NCKAP5: variants seen among roughly 807,000 people sequenced by gnomAD.
The protein encoded by NCKAP5 is nck-associated protein 5.
In NCKAP5, 92 loss-of-function variants were observed where a neutral mutation model predicts 167.0. That is an observed-to-expected ratio of 0.55 (90% confidence interval 0.47 to 0.66). The LOEUF (loss-of-function observed/expected upper bound fraction) is 0.66, where lower values mean the gene tolerates loss of function less well. Ranked by LOEUF, NCKAP5 falls within the 30% of genes least tolerant of loss-of-function variation. The pLI is 0.00. For missense variants in NCKAP5, 2,378 were observed against 2,315.0 expected, an observed-to-expected ratio of 1.03 and a Z score of -0.56; for synonymous variants, 891 against 877.4, an observed-to-expected ratio of 1.02 and a Z score of -0.27.
At chr2:132,880,695 AATC>A (rs1312664179) in intron 8 of NCKAP5, among the ~76,000 whole-genome samples, 2 of 152,184 alleles carry the variant, frequency 1.3e-5, no homozygotes, top group African/African-American at 4.8e-5. Flanking sequence ...ACTGTGACAC[AATC>A]ATTATACATT....
intron 9 of NCKAP5, among the ~76,000 whole-genome samples, chr2:132,872,608 C>T (rs576961588): frequency 5.3e-5 from 8 of 152,264 alleles, no homozygotes; most frequent in South Asian, 2.1e-4. Context: ...GCGTGGGGAG[C>T]GAGGATCTCC....
At chr2:133,307,243 T>C (rs1301974459) in intron 3 of NCKAP5, among the ~76,000 whole-genome samples, 1 of 151,958 alleles carries the variant, frequency 6.6e-6, no homozygotes, top group Non-Finnish European at 1.5e-5. Flanking sequence ...GTAACTAAAT[T>C]AAGAAATAAA....
chr2:132,896,166 AC>A (rs1693187052), intron 8 of NCKAP5, among the ~76,000 whole-genome samples: 1 of 152,194 alleles, frequency 6.6e-6, no homozygotes, highest in African/African-American at 2.4e-5. Flanking sequence ...AAACAAAAAA[AC>A]AAAAACAAAA....
the NCKAP5 span, among the ~76,000 whole-genome samples, chr2:133,627,921 C>A: frequency 6.6e-6 from 1 of 152,090 alleles, no homozygotes; most frequent in Admixed American, 6.6e-5. Flanking sequence ...TGGCTTTGGC[C>A]GTGGTACTTC....
At chr2:133,454,575 A>G (rs553138983) in intron 3 of NCKAP5, among the ~76,000 whole-genome samples, 53 of 152,272 alleles carry the variant, frequency 3.5e-4, no homozygotes, top group African/African-American at 1.2e-3. Flanking sequence ...AAGTATTCTC[A>G]GCATTTCCTA....
chr2:133,624,367 G>A, the NCKAP5 span, among the ~76,000 whole-genome samples: 1 of 152,008 alleles, frequency 6.6e-6, no homozygotes, highest in Admixed American at 6.6e-5. Flanking sequence ...ACCGAGTTCT[G>A]TTCCTCACGT....
At chr2:132,806,243 A>G (rs1167724463) in intron 11 of NCKAP5, among the ~76,000 whole-genome samples, 1 of 152,170 alleles carries the variant, frequency 6.6e-6, no homozygotes, top group Non-Finnish European at 1.5e-5. Flanking sequence ...ATGTGTGTGC[A>G]AGTATCTTTT....
At position 133,032,248 on chromosome 2, in the gene NCKAP5, A is replaced by G. The variant is rs139023083; in HGVS notation, c.342-38009T>C. 4.1e-4 allele frequency among the ~76,000 whole-genome samples: 63 copies of G among 152,276 alleles called. 1 individual carries two copies. Among genetic ancestry groups the G allele is most frequent in the African/African-American group, 1.4e-3 (58 of 41,574 alleles). ...GGGAAGGGCAATGCCCTGAAGGGTA[A>G]GTCCCAGGCCAGGCAGCATTTACCA... is the stretch of plus-strand genomic sequence containing the variant. On this transcript the variant is annotated intron_variant, in intron 6 of 19. Transcript: ENST00000409261.
intron 4 of NCKAP5, among the ~76,000 whole-genome samples, chr2:133,253,555 C>G (rs945540674): frequency 6.6e-6 from 1 of 152,148 alleles, no homozygotes; most frequent in Non-Finnish European, 1.5e-5. Context: ...TCCCTCACCC[C>G]CCGTTTCATC....
At chr2:132,995,255 C>T (rs1182582352) in intron 6 of NCKAP5, among the ~76,000 whole-genome samples, 1 of 152,044 alleles carries the variant, frequency 6.6e-6, no homozygotes. Context: ...TTAAAAAACT[C>T]GATGCTTGTA....
chr2:133,470,472 G>T (rs970031970), intron 3 of NCKAP5, among the ~76,000 whole-genome samples: 2 of 152,214 alleles, frequency 1.3e-5, no homozygotes, highest in African/African-American at 4.8e-5. Flanking sequence ...TTGTTTGTCT[G>T]TGCCCTGCCC....
rs564946032 is a variant in NCKAP5 at position 133,517,489 on chromosome 2, C to T, written c.38G>A (p.Gly13Glu). Reference protein sequence around the residue: ...GKRQLEKRDFGKRLSLDSSLV... With the variant: ...GKRQLEKRDFEKRLSLDSSLV... ...ACTGCTGTCTAGAGACAGCCTTTTT[C>T]CAAAGTCCCTTTTCTCAAGCTGTCT... The change falls in exon 3 of 20, where the codon GGA becomes GAA. Residue 13 changes from glycine (G) to glutamate (E), a missense_variant. Transcript: ENST00000409261. The T allele has an allele frequency of 3.9e-6, 6 of 1,537,526 alleles. No homozygotes were observed. In the East Asian group the frequency reaches 1.2e-4, roughly 31 times the overall value.
chr2:133,190,501 T>G (rs1318161905), intron 5 of NCKAP5, among the ~76,000 whole-genome samples: 1 of 152,062 alleles, frequency 6.6e-6, no homozygotes, highest in Non-Finnish European at 1.5e-5. Flanking sequence ...GAGGCATCAC[T>G]CTACCCAACT....
At chr2:133,618,260 T>TA in the NCKAP5 span, among the ~76,000 whole-genome samples, 1 of 150,870 alleles carries the variant, frequency 6.6e-6, no homozygotes, top group South Asian at 2.1e-4. Flanking sequence ...ACTTCATGTC[T>TA]AAAACACCAA....
intron 6 of NCKAP5, among the ~76,000 whole-genome samples, chr2:133,035,368 A>G (rs551475850): frequency 8.5e-5 from 13 of 152,164 alleles, no homozygotes; most frequent in African/African-American, 3.1e-4. Flanking sequence ...CAGGAAGTCA[A>G]CAAGAGAACA....
intron 19 of NCKAP5, among the ~76,000 whole-genome samples, chr2:132,716,712 G>A (rs547428856): frequency 6.6e-6 from 1 of 152,244 alleles, no homozygotes; most frequent in South Asian, 2.1e-4. Context: ...GCTGTAGCCT[G>A]CAGTCCAATT....
At chr2:133,175,694 C>G (rs1173194187) in intron 5 of NCKAP5, among the ~76,000 whole-genome samples, 1 of 152,150 alleles carries the variant, frequency 6.6e-6, no homozygotes, top group African/African-American at 2.4e-5. Context: ...AATTATAATC[C>G]TATCTCTTCT....
At chr2:133,502,581 T>G (rs767756652) in intron 3 of NCKAP5, among the ~76,000 whole-genome samples, 19 of 152,308 alleles carry the variant, frequency 1.2e-4, no homozygotes, top group Non-Finnish European at 2.1e-4. Flanking sequence ...GTATGCCATA[T>G]GTCTACATCA....
At chr2:132,854,229 T>G (rs1422194201) in intron 11 of NCKAP5, among the ~76,000 whole-genome samples, 2 of 152,200 alleles carry the variant, frequency 1.3e-5, no homozygotes, top group African/African-American at 4.8e-5. Flanking sequence ...TATAAGCTGA[T>G]GGGAACACAA....
Sources: allele counts gnomAD v4.1 joint callset (sites outside exome capture counted in the v4.1 genomes callset), GRCh38; gene constraint gnomAD v4.1.1; transcripts MANE v1.5; gene names NCBI Gene and HGNC (gene_info 2026-07-23, HGNC 2026-07-21).